RFX2: variants seen among roughly 807,000 people sequenced by gnomAD.
RFX2 encodes DNA-binding protein RFX2.
Under a neutral mutation model 87.8 loss-of-function variants are expected in RFX2, and 20 were observed. The observed-to-expected ratio is 0.23, with a 90% CI of 0.16 to 0.33. The LOEUF (loss-of-function observed/expected upper bound fraction) is 0.33, where lower values mean the gene tolerates loss of function less well. RFX2 is among the 10% of genes least tolerant of loss of function. RFX2 has a pLI of 1.00. For missense variants in RFX2, 767 were observed against 1,012.3 expected, an observed-to-expected ratio of 0.76 and a Z score of 3.29; for synonymous variants, 397 against 431.3, an observed-to-expected ratio of 0.92 and a Z score of 0.98.
rs956267785 is a variant in RFX2, at chr19:6,044,335, G to C, written c.91-53C>G. 81 of 1,106,874 alleles carry C rather than the reference G, an allele frequency of 7.3e-5. No homozygotes were observed. Among genetic ancestry groups the C allele is most frequent in the Admixed American group, 7.0e-4 (21 of 30,076 alleles). The allele number at this position is 1,106,874 out of a possible 1,614,324, so 68.6% of individuals were successfully genotyped here. ...TAGACTTGTCAGAGGTCAGTGCTGA[G>C]GATACACACAGAATGTAAGATGCTG... On this transcript the variant is annotated intron_variant, in intron 2 of 17. Coordinates refer to ENST00000303657, the MANE Select transcript of RFX2 (RefSeq NM_000635.4). This position sits in a 1 kb window ranked among gnomAD's most constrained non-coding sequence, Gnocchi z 5.3.
intron 5 of RFX2, among the ~76,000 whole-genome samples, chr19:6,037,771 T>C (rs1382009337): frequency 6.6e-6 from 1 of 152,166 alleles, no homozygotes; most frequent in Non-Finnish European, 1.5e-5. Flanking sequence ...TATAAAGCTA[T>C]AGTAATTAAG....
chr19:6,041,494 T>A (rs1220917020), intron 4 of RFX2, among the ~76,000 whole-genome samples: 2 of 152,166 alleles, frequency 1.3e-5, no homozygotes, highest in Admixed American at 1.3e-4. Context: ...AATCAAGTTC[T>A]ATCAACATTA....
intron 1 of RFX2, among the ~76,000 whole-genome samples, chr19:6,084,544 C>T (rs1296089162): frequency 6.6e-6 from 1 of 152,168 alleles, no homozygotes; most frequent in Non-Finnish European, 1.5e-5. Context: ...GCCCCTGGCA[C>T]CCACCATTCT....
rs947099595 is a variant in RFX2 at position 6,024,899 on chromosome 19, G to A, written c.597+1264C>T. 2.8e-5 allele frequency among the ~76,000 whole-genome samples: 4 copies of A among 141,550 alleles called. No individual in the cohort carries two copies. Among genetic ancestry groups the A allele is most frequent in the East Asian group, 4.3e-4 (2 of 4,626 alleles). 92.9% of individuals were successfully genotyped at this position (141,550 alleles called of 152,430 possible). A position where few individuals can be genotyped will look rare whatever the true frequency, so the allele number is the denominator to read the frequency against. On this transcript the variant is annotated intron_variant, in intron 6 of 17. Transcript: ENST00000303657. The surrounding 1 kb of genome is among the most constrained non-coding windows in gnomAD (Gnocchi z 5.0). ...GTGAGGACGGGATCACGGTGAGGACGGGAGTCAGGACGGGATCACGGTGAG... is the reference window on the plus strand; with the variant it reads ...GTGAGGACGGGATCACGGTGAGGACAGGAGTCAGGACGGGATCACGGTGAG...
chr19:6,063,527 C>A lies in RFX2; in HGVS notation c.-8-16023G>T, dbSNP rs560498370. Among the ~76,000 whole-genome samples, 1 of 152,304 alleles carries A rather than the reference C, an allele frequency of 6.6e-6. No homozygotes were observed. Among genetic ancestry groups the A allele is most frequent in the African/African-American group, 2.4e-5 (1 of 41,562 alleles). ...CTCCAGCAGGGCCAGGCAGGCTGGG[C>A]AGCCCTCTGTCCCTCAAAGTCCACC... On this transcript the variant is annotated intron_variant, in intron 1 of 17. Coordinates refer to ENST00000303657, the MANE Select transcript of RFX2 (RefSeq NM_000635.4). The surrounding 1 kb of genome is among the most constrained non-coding windows in gnomAD (Gnocchi z 4.0).
chr19:6,079,759 G>A (rs1003270652), intron 1 of RFX2, among the ~76,000 whole-genome samples: 11 of 151,972 alleles, frequency 7.2e-5, no homozygotes, highest in African/African-American at 2.7e-4. Context: ...GGTGGCTCGT[G>A]CCTGTAGTCC....
rs370163984 is a variant in RFX2, at chr19:6,042,066, C to G, written c.238G>C (p.Ala80Pro). 6.2e-7 allele frequency: 1 copy of G among 1,613,788 alleles called. No homozygotes were observed. The highest frequency in any genetic ancestry group is 8.5e-7 in the Non-Finnish European group (1 of 1,179,896). ...AQVQYVEGGD[A>P]VYTNGAIRTA... ...CACATGGCTCCATTGGTGTAGACGG[C>G]GTCTCCCCCTTCCACGTACTGCACC... The change falls in exon 4 of 18, where the codon GCC becomes CCC. Residue 80 changes from alanine (A) to proline (P), a missense_variant. By Grantham distance (27) the Ala-to-Pro change is conservative. Around this residue, in one of 2 missense-constraint regions of RFX2, gnomAD observed 146 missense variants for 139.2 expected, o/e 1.05. Transcript: ENST00000303657.
chr19:6,085,131 G>C (rs768763003), intron 1 of RFX2, among the ~76,000 whole-genome samples: 5 of 152,140 alleles, frequency 3.3e-5, no homozygotes, highest in Non-Finnish European at 5.9e-5. Context: ...CCACATTTTA[G>C]CTATTGTAAA....
Position 6,056,549 on chromosome 19 carries a change from C to T in RFX2, c.-8-9045G>A, listed in dbSNP as rs1388180935. On this transcript the variant is annotated intron_variant, in intron 1 of 17. Transcript: ENST00000303657. This position sits in a 1 kb window ranked among gnomAD's most constrained non-coding sequence, Gnocchi z 4.6. ...TGGGCAGAGGGCAGGGCCCCGAGGGCGTGGGTGTACTCAAGGTAAAGTCCA... is the reference window on the plus strand; with the variant it reads ...TGGGCAGAGGGCAGGGCCCCGAGGGTGTGGGTGTACTCAAGGTAAAGTCCA... Among the ~76,000 whole-genome samples the T allele has an allele frequency of 1.3e-5, 2 of 152,102 alleles. No homozygotes were observed. Among genetic ancestry groups the T allele is most frequent in the South Asian group, 2.1e-4 (1 of 4,824 alleles).
intron 1 of RFX2, among the ~76,000 whole-genome samples, chr19:6,087,967 C>A (rs1357846525): frequency 6.6e-6 from 1 of 152,100 alleles, no homozygotes; most frequent in Non-Finnish European, 1.5e-5. Context: ...AGAAACCACT[C>A]CTGGCTGCCA....
chr19:6,013,116 A>C lies in RFX2; in HGVS notation c.780-11T>G. The stretch of plus-strand genomic sequence containing the variant: ...TACTTCGAGTTGCCCCTGGAAACCA[A>C]ACATCCCAGGGTCAGCTCCCTTTGC... On this transcript the variant is annotated splice_polypyrimidine_tract_variant and intron_variant, in intron 7 of 17. Transcript: ENST00000303657. The surrounding 1 kb of genome is among the most constrained non-coding windows in gnomAD (Gnocchi z 4.1). The C allele has an allele frequency of 6.3e-7, 1 of 1,584,988 alleles. No homozygotes were observed. The highest frequency in any genetic ancestry group is 8.6e-7 in the Non-Finnish European group (1 of 1,166,552).
intron 1 of RFX2, among the ~76,000 whole-genome samples, chr19:6,109,027 AGT>A: frequency 6.6e-6 from 1 of 151,578 alleles, no homozygotes; most frequent in African/African-American, 2.4e-5. Context: ...TGTGTGTGTG[AGT>A]GTGTGTGTGC....
At position 6,002,627 on chromosome 19, in the gene RFX2, G is replaced by A. The variant is rs1818335270; in HGVS notation, c.1650+94C>T. The A allele has an allele frequency of 2.0e-6, 3 of 1,494,020 alleles. No homozygotes were observed. The highest frequency in any genetic ancestry group is 2.4e-5 in the South Asian group (2 of 82,244). 92.5% of individuals were successfully genotyped at this position (1,494,020 alleles called of 1,614,324 possible). A position where few individuals can be genotyped will look rare whatever the true frequency, so the allele number is the denominator to read the frequency against. On this transcript the variant is annotated intron_variant, in intron 14 of 17. Transcript: ENST00000303657. This position sits in a 1 kb window ranked among gnomAD's most constrained non-coding sequence, Gnocchi z 6.7. ...GAACCGTGGCCAGGCTCGGGGCAGG[G>A]GCCAGGTTGTGCCACGGGCTCCACT...
At position 5,997,923 on chromosome 19, in the gene RFX2, T is replaced by A. The variant is rs2086438489; in HGVS notation, c.1860-710A>T. On this transcript the variant is annotated intron_variant, in intron 15 of 17. Coordinates refer to ENST00000303657, the MANE Select transcript of RFX2 (RefSeq NM_000635.4). This position sits in a 1 kb window ranked among gnomAD's most constrained non-coding sequence, Gnocchi z 4.2. Reference sequence around the variant, plus strand: ...CAGACAGTTTCACTGGCACGCGTCATGCCCGTTCCTATGTTGTCTTTCCTA... The same window carrying A: ...CAGACAGTTTCACTGGCACGCGTCAAGCCCGTTCCTATGTTGTCTTTCCTA... 6.6e-6 allele frequency among the ~76,000 whole-genome samples: 1 copy of A among 152,224 alleles called. No individual in the cohort carries two copies. The highest frequency in any genetic ancestry group is 1.5e-5 in the Non-Finnish European group (1 of 68,038).
At chr19:6,051,642 G>C (rs2087267494) in intron 1 of RFX2, among the ~76,000 whole-genome samples, 2 of 152,012 alleles carry the variant, frequency 1.3e-5, no homozygotes, top group African/African-American at 2.4e-5. Flanking sequence ...CAAACAGATG[G>C]CACAAATAGA....
intron 1 of RFX2, among the ~76,000 whole-genome samples, chr19:6,097,949 T>C (rs1599931909): frequency 6.6e-6 from 1 of 152,354 alleles, no homozygotes; most frequent in East Asian, 1.9e-4. Context: ...GGCTACTCCT[T>C]ACTGAGGGCT....
intron 1 of RFX2, among the ~76,000 whole-genome samples, chr19:6,067,721 G>C (rs1302271538): frequency 6.6e-6 from 1 of 152,208 alleles, no homozygotes; most frequent in Non-Finnish European, 1.5e-5. Flanking sequence ...CAGTGCTCTT[G>C]TTTTTGGTGG....
Position 6,033,836 on chromosome 19 carries a change from A to T in RFX2, c.522+6144T>A, listed in dbSNP as rs182117323. Among the ~76,000 whole-genome samples, 329 of 152,098 alleles carry T rather than the reference A, an allele frequency of 2.2e-3. 2 individuals carry two copies. The highest frequency in any genetic ancestry group is 7.4e-3 in the African/African-American group (305 of 41,496). ...CACAAAGGGAACTCTATGAAGTTTT[A>T]AAAAAAAGTGGTGATAAATATCATA... On this transcript the variant is annotated intron_variant, in intron 5 of 17. Coordinates refer to ENST00000303657, the MANE Select transcript of RFX2 (RefSeq NM_000635.4).
chr19:6,042,659 G>T (rs1391184931), intron 3 of RFX2, among the ~76,000 whole-genome samples: 1 of 152,250 alleles, frequency 6.6e-6, no homozygotes, highest in Non-Finnish European at 1.5e-5. Context: ...TGGCAGAGAG[G>T]AGGGGAGAGA....
Sources: gnomAD v4.1 joint callset for allele counts (sites outside exome capture counted in the v4.1 genomes callset) on GRCh38, gnomAD v4.1.1 for gene constraint, gnomAD v4.1.1 regional missense constraint, Gnocchi (gnomAD v3.1) non-coding constraint, MANE v1.5 for transcripts, NCBI Gene and HGNC (gene_info 2026-07-23, HGNC 2026-07-21) for gene names.